Variants in CDK14 observed in about 807,000 individuals in gnomAD.
CDK14 encodes the protein cyclin dependent kinase 14, also known as cyclin-dependent kinase 14.
A neutral mutation model predicts 60.7 loss-of-function variants in CDK14; 34 were observed. The ratio of observed to expected loss-of-function variants is 0.56; its 90% confidence interval spans 0.43 to 0.75. The LOEUF is 0.75. CDK14 is among the 30% of genes least tolerant of loss of function. The pLI is 0.00. For synonymous variants in CDK14, 197 were observed against 203.7 expected (o/e 0.97, Z 0.28); for missense variants, 482 against 564.1 (o/e 0.85, Z 1.47).
At chr7:90,665,260 G>A (rs1021437304) in intron 2 of CDK14, among the ~76,000 whole-genome samples, 12 of 151,446 alleles carry the variant, frequency 7.9e-5, no homozygotes, top group Non-Finnish European at 1.5e-4. Flanking sequence ...ACTCCAGCCC[G>A]GCAACAGAGT....
chr7:91,098,633 C>T (rs1177459534), intron 12 of CDK14, among the ~76,000 whole-genome samples: 2 of 151,958 alleles, frequency 1.3e-5, no homozygotes, highest in Non-Finnish European at 2.9e-5. Flanking sequence ...CCTTTTTACA[C>T]TTTTCTTATT....
chr7:90,826,961 A>G (rs1789746336), intron 5 of CDK14, among the ~76,000 whole-genome samples: 1 of 20,062 alleles, frequency 5.0e-5, no homozygotes, highest in Admixed American at 5.4e-4. Context: ...CAAGTGCATG[A>G]TGTATTTACA....
chr7:90,889,900 A>G (rs1792060901), intron 6 of CDK14, among the ~76,000 whole-genome samples: 1 of 152,236 alleles, frequency 6.6e-6, no homozygotes, highest in Admixed American at 6.5e-5. Context: ...TTGAGGCATA[A>G]TAATCTAGTT....
chr7:90,653,212 T>C (rs1440343199), intron 2 of CDK14, among the ~76,000 whole-genome samples: 2 of 152,068 alleles, frequency 1.3e-5, no homozygotes, highest in Non-Finnish European at 2.9e-5. Context: ...CCACTTAGGC[T>C]TCTAGAGCCA....
At chr7:91,173,908 T>C (rs1801623982) in intron 14 of CDK14, among the ~76,000 whole-genome samples, 1 of 152,156 alleles carries the variant, frequency 6.6e-6, no homozygotes, top group African/African-American at 2.4e-5. Context: ...ACAGGCTTGA[T>C]TAGGTAAACA....
At chr7:91,176,366 C>T (rs909529701) in intron 14 of CDK14, among the ~76,000 whole-genome samples, 4 of 152,024 alleles carry the variant, frequency 2.6e-5, no homozygotes, top group Admixed American at 6.5e-5. Context: ...AGGAAAGATC[C>T]AAAATTGACA....
At chr7:90,959,843 A>G (rs986312026) in intron 9 of CDK14, among the ~76,000 whole-genome samples, 1 of 152,186 alleles carries the variant, frequency 6.6e-6, no homozygotes, top group Non-Finnish European at 1.5e-5. Context: ...AGTTTTTGAT[A>G]CTTTTATGAA....
intron 4 of CDK14, among the ~76,000 whole-genome samples, chr7:90,788,973 A>G (rs907399450): frequency 4.6e-5 from 7 of 152,134 alleles, no homozygotes; most frequent in African/African-American, 1.7e-4. Flanking sequence ...AAGGATACCA[A>G]ATATTTATAT....
At chr7:90,991,373 G>T (rs1212462568) in intron 10 of CDK14, among the ~76,000 whole-genome samples, 1 of 152,114 alleles carries the variant, frequency 6.6e-6, no homozygotes, top group Non-Finnish European at 1.5e-5. Flanking sequence ...AAATGCAGTG[G>T]ACCACTGCCT....
chr7:90,778,511 G>C (rs911394185), intron 4 of CDK14, among the ~76,000 whole-genome samples: 1 of 152,120 alleles, frequency 6.6e-6, no homozygotes, highest in Non-Finnish European at 1.5e-5. Context: ...ACACCATAGC[G>C]AGTGAGCTGC....
At chr7:91,174,024 A>C (rs1009147428) in intron 14 of CDK14, among the ~76,000 whole-genome samples, 1 of 152,130 alleles carries the variant, frequency 6.6e-6, no homozygotes, top group African/African-American at 2.4e-5. Flanking sequence ...AAACAAAAAG[A>C]TAGCAGTAAC....
chr7:90,637,929 C>T (rs893116450), intron 2 of CDK14, among the ~76,000 whole-genome samples: 1 of 148,436 alleles, frequency 6.7e-6, no homozygotes, highest in Non-Finnish European at 1.5e-5. Context: ...GGTTTAAAGT[C>T]TGTTTTATCA....
chr7:90,681,226 A>G (rs1368179034), intron 2 of CDK14, among the ~76,000 whole-genome samples: 1 of 152,124 alleles, frequency 6.6e-6, no homozygotes, highest in Non-Finnish European at 1.5e-5. Context: ...GCTTTCCCGT[A>G]TTGTTGGTCT....
chr7:90,853,649 G>A (rs1299893268), intron 5 of CDK14, among the ~76,000 whole-genome samples: 3 of 152,152 alleles, frequency 2.0e-5, no homozygotes, highest in Non-Finnish European at 4.4e-5. Flanking sequence ...GTTGAAATAT[G>A]GAATATAAGC....
chr7:91,045,867 C>T (rs767106210), intron 10 of CDK14, 30 bp from the exon 11 acceptor site: 1 of 1,426,950 alleles, frequency 7.0e-7, no homozygotes, highest in Non-Finnish European at 9.9e-7. Context: ...AATAATAAGG[C>T]TGTTTCCACA....
intron 12 of CDK14, among the ~76,000 whole-genome samples, chr7:91,095,273 G>A (rs1228843480): frequency 2.6e-5 from 4 of 152,170 alleles, no homozygotes; most frequent in African/African-American, 7.2e-5. Context: ...CCCATAGAAG[G>A]CACTCAGTTC....
chr7:90,847,381 TTTAA>T (rs1356880356), intron 5 of CDK14, among the ~76,000 whole-genome samples: 23 of 152,106 alleles, frequency 1.5e-4, no homozygotes, highest in Non-Finnish European at 2.8e-4. Flanking sequence ...TAAAAAATAT[TTTAA>T]TTAATTTTTA....
intron 8 of CDK14, among the ~76,000 whole-genome samples, chr7:90,929,158 C>T (rs1005701369): frequency 4.6e-5 from 7 of 152,290 alleles, no homozygotes; most frequent in East Asian, 1.9e-4. Context: ...GGGAATTCCC[C>T]GACCCCTTGC....
chr7:91,069,191 A>G (rs1798064506), intron 11 of CDK14, among the ~76,000 whole-genome samples: 1 of 152,230 alleles, frequency 6.6e-6, no homozygotes, highest in South Asian at 2.1e-4. Context: ...GAAACATACC[A>G]TAACAAAGCA....
Sources: gnomAD v4.1 joint callset for allele counts (sites outside exome capture counted in the v4.1 genomes callset) on GRCh38, gnomAD v4.1.1 for gene constraint, MANE v1.5 for transcripts, NCBI Gene and HGNC (gene_info 2026-07-23, HGNC 2026-07-21) for gene names.